SCAPER: variants seen among roughly 807,000 people sequenced by gnomAD.
The protein encoded by SCAPER is S-phase cyclin A associated protein in the ER.
In SCAPER, 98 loss-of-function variants were observed where a neutral mutation model predicts 182.2. The observed-to-expected ratio is 0.54, with a 90% CI of 0.46 to 0.64. SCAPER has a LOEUF of 0.64. SCAPER is among the 30% of genes least tolerant of loss of function. SCAPER has a pLI of 0.00. For synonymous variants in SCAPER, 605 were observed against 564.6 expected, an observed-to-expected ratio of 1.07 and a Z score of -1.01; for missense variants, 1,432 against 1,690.0, an observed-to-expected ratio of 0.85 and a Z score of 2.68.
At chr15:76,807,203 T>C (rs543963846) in intron 5 of SCAPER, among the ~76,000 whole-genome samples, 2 of 152,360 alleles carry the variant, frequency 1.3e-5, no homozygotes, top group South Asian at 2.1e-4. Flanking sequence ...GGATTTTTCA[T>C]AGATACTCTT....
At chr15:76,453,517 G>C (rs543317473) in intron 25 of SCAPER, among the ~76,000 whole-genome samples, 2 of 152,158 alleles carry the variant, frequency 1.3e-5, no homozygotes, top group Admixed American at 1.3e-4. Flanking sequence ...CTCATAATTA[G>C]ATTCAGATTA....
At chr15:76,847,044 C>G (rs1386922545) in intron 4 of SCAPER, among the ~76,000 whole-genome samples, 1 of 152,000 alleles carries the variant, frequency 6.6e-6, no homozygotes, top group Non-Finnish European at 1.5e-5. Context: ...GTCATTTGCA[C>G]TAATATGGAT....
At chr15:76,652,273 A>AAAT (rs1207156993) in intron 21 of SCAPER, among the ~76,000 whole-genome samples, 18 of 12,864 alleles carry the variant, frequency 1.4e-3, no homozygotes, top group East Asian at 9.5e-3. Context: ...AAAAAAAAAA[A>AAAT]ATATATATAT....
At chr15:76,786,353 A>T (rs1055940093) in intron 8 of SCAPER, among the ~76,000 whole-genome samples, 2 of 150,046 alleles carry the variant, frequency 1.3e-5, no homozygotes, top group Non-Finnish European at 1.5e-5. Flanking sequence ...AAATCAATCA[A>T]TGTAATTCAC....
chr15:76,829,101 C>G (rs2068243979), intron 5 of SCAPER, among the ~76,000 whole-genome samples: 1 of 152,172 alleles, frequency 6.6e-6, no homozygotes, highest in Non-Finnish European at 1.5e-5. Context: ...TGTATATATA[C>G]ACCATGAAAT....
At chr15:76,573,771 T>C (rs2047619456) in intron 23 of SCAPER, among the ~76,000 whole-genome samples, 1 of 152,160 alleles carries the variant, frequency 6.6e-6, no homozygotes, top group Non-Finnish European at 1.5e-5. Context: ...CCAAATCTGT[T>C]GGAATCAGGG....
chr15:76,426,203 C>T (rs1260887226), intron 26 of SCAPER, among the ~76,000 whole-genome samples: 1 of 152,174 alleles, frequency 6.6e-6, no homozygotes, highest in Non-Finnish European at 1.5e-5. Context: ...TGTGCCCTGC[C>T]CCCAGAGGTG....
chr15:76,652,518 TACACACACACACACACAC>T (rs71143350), intron 21 of SCAPER, among the ~76,000 whole-genome samples: 9 of 88,924 alleles, frequency 1.0e-4, no homozygotes, highest in African/African-American at 3.2e-4. Flanking sequence ...TTTACATACA[TACACACACACACACACAC>T]ACACACACAC....
chr15:76,363,421 C>A (rs1289224048), intron 29 of SCAPER, among the ~76,000 whole-genome samples: 1 of 152,202 alleles, frequency 6.6e-6, no homozygotes, highest in Non-Finnish European at 1.5e-5. Context: ...TTTTGGCCAG[C>A]ACCCTAACTG....
rs118086652 is a variant in SCAPER, at chr15:76,354,529, A to G, written c.3856-389T>C. 2,837 of 176,428 alleles carry G rather than the reference A, an allele frequency of 0.016. 42 individuals carry two copies. Among genetic ancestry groups the G allele is most frequent in the Non-Finnish European group, 0.024 (2,048 of 84,988 alleles). The allele number at this position is 176,428 out of a possible 1,614,324, so 10.9% of individuals were successfully genotyped here. A position where few individuals can be genotyped will look rare whatever the true frequency, so the allele number is the denominator to read the frequency against. ...CCTGCAAAGAGTTCACTCACAAGAA[A>G]GTAAGGCCCTGCCCACTGCAGTCTT... On this transcript the variant is annotated intron_variant, in intron 29 of 31. Coordinates refer to ENST00000563290, the MANE Select transcript of SCAPER (RefSeq NM_020843.4). This position sits in a 1 kb window ranked among gnomAD's most constrained non-coding sequence, Gnocchi z 4.4.
intron 26 of SCAPER, among the ~76,000 whole-genome samples, chr15:76,423,756 C>T (rs1421215664): frequency 4.6e-5 from 7 of 152,154 alleles, no homozygotes; most frequent in Admixed American, 2.6e-4. Flanking sequence ...TGTGGGCATT[C>T]AGTGCTATAA....
Position 76,705,547 on chromosome 15 carries a change from A to T in SCAPER, c.2247+356T>A, listed in dbSNP as rs531218299. 1.9e-3 allele frequency among the ~76,000 whole-genome samples: 285 copies of T among 152,008 alleles called. 2 individuals are homozygous for T. The highest frequency in any genetic ancestry group is 3.3e-3 in the Non-Finnish European group (227 of 67,950). On this transcript the variant is annotated intron_variant, in intron 18 of 31. Coordinates refer to ENST00000563290, the MANE Select transcript of SCAPER (RefSeq NM_020843.4). ...CATGTACCCTAAAACTTAAAGTATA[A>T]TTAAAAAAAAAAAGGACACAAGAAG...
chr15:76,751,829 T>C (rs117981265), intron 15 of SCAPER, among the ~76,000 whole-genome samples: 2,603 of 151,786 alleles, frequency 0.017, 37 homozygotes, highest in South Asian at 0.036. Flanking sequence ...CAATGATTTA[T>C]TGGATATGAC....
At chr15:76,710,759 G>A (rs2059518894) in intron 17 of SCAPER, among the ~76,000 whole-genome samples, 1 of 152,040 alleles carries the variant, frequency 6.6e-6, no homozygotes, top group Non-Finnish European at 1.5e-5. Context: ...CTGATAAGCT[G>A]AACCTAAAAT....
intron 17 of SCAPER, among the ~76,000 whole-genome samples, chr15:76,709,757 T>A (rs2059462882): frequency 6.6e-6 from 1 of 152,088 alleles, no homozygotes; most frequent in South Asian, 2.1e-4. Flanking sequence ...AAACTACAGA[T>A]AAATACCCCT....
At position 76,616,878 on chromosome 15, in the gene SCAPER, C is replaced by T. The variant is rs75682009; in HGVS notation, c.2711+4886G>A. On this transcript the variant is annotated intron_variant, in intron 22 of 31. Transcript: ENST00000563290. ...AGTTTTCAATCATCATAAGCATTTC[C>T]TCACAGCATTAAAATGTCTATAAAC... Among the ~76,000 whole-genome samples the T allele has an allele frequency of 7.9e-3, 1,202 of 152,208 alleles. 11 individuals carry two copies. Among genetic ancestry groups the T allele is most frequent in the African/African-American group, 0.027 (1,142 of 41,548 alleles).
chr15:76,879,645 A>G (rs781424569), intron 2 of SCAPER, among the ~76,000 whole-genome samples: 1 of 152,182 alleles, frequency 6.6e-6, no homozygotes, highest in Non-Finnish European at 1.5e-5. Context: ...CTGTTGAGCC[A>G]CTGGATCAAT....
intron 22 of SCAPER, among the ~76,000 whole-genome samples, chr15:76,598,090 TA>T (rs2049639809): frequency 8.9e-6 from 1 of 112,730 alleles, no homozygotes; most frequent in Non-Finnish European, 2.1e-5. Flanking sequence ...ACAAGGAACT[TA>T]AAACAAATGT....
chr15:76,611,984 A>G (rs1432944242), intron 22 of SCAPER, among the ~76,000 whole-genome samples: 1 of 152,190 alleles, frequency 6.6e-6, no homozygotes, highest in Non-Finnish European at 1.5e-5. Context: ...CACAGCCAAC[A>G]TTGCACTAAA....
Sources: gnomAD v4.1 joint callset for allele counts (sites outside exome capture counted in the v4.1 genomes callset) on GRCh38, gnomAD v4.1.1 for gene constraint, Gnocchi (gnomAD v3.1) non-coding constraint, MANE v1.5 for transcripts, NCBI Gene and HGNC (gene_info 2026-07-23, HGNC 2026-07-21) for gene names.